The following KAZN variants were observed in gnomAD, a reference collection of about 807,000 sequenced individuals.
The protein encoded by KAZN is kazrin, periplakin interacting protein.
A neutral mutation model predicts 87.4 loss-of-function variants in KAZN; 40 were observed. The observed-to-expected ratio is 0.46, with a 90% CI of 0.36 to 0.60. KAZN has a LOEUF of 0.60. KAZN is among the 20% of genes least tolerant of loss of function. KAZN has a pLI of 0.00. For synonymous variants in KAZN, 466 were observed against 458.3 expected, an observed-to-expected ratio of 1.02 and a Z score of -0.22; for missense variants, 898 against 1,073.9, an observed-to-expected ratio of 0.84 and a Z score of 2.29.
chr1:14,248,022 C>T (rs1649672998), intron 2 of KAZN, among the ~76,000 whole-genome samples: 1 of 152,168 alleles, frequency 6.6e-6, no homozygotes, highest in East Asian at 1.9e-4. Context: ...TAAAACGCCA[C>T]TCTCAATCTA....
At chr1:14,385,382 C>T (rs1329246111) in intron 2 of KAZN, among the ~76,000 whole-genome samples, 5 of 152,090 alleles carry the variant, frequency 3.3e-5, no homozygotes, top group Non-Finnish European at 7.4e-5. Context: ...TCTTGCTTTT[C>T]TAGTTCTTTT....
intron 2 of KAZN, among the ~76,000 whole-genome samples, chr1:14,338,327 C>G (rs1267936837): frequency 1.4e-5 from 2 of 146,350 alleles, no homozygotes; most frequent in Non-Finnish European, 3.0e-5. Flanking sequence ...AAAAAAAATA[C>G]AAAAAAAATT....
chr1:14,530,031 C>T (rs1672124073), intron 2 of KAZN, among the ~76,000 whole-genome samples: 1 of 152,100 alleles, frequency 6.6e-6, no homozygotes, highest in African/African-American at 2.4e-5. Context: ...AGCACAGTAT[C>T]CAAAGTACCC....
intron 1 of KAZN, among the ~76,000 whole-genome samples, chr1:14,905,838 G>A (rs981333043): frequency 1.2e-4 from 15 of 128,424 alleles, no homozygotes; most frequent in Admixed American, 2.4e-4. Flanking sequence ...GTGAGACTCC[G>A]TCTCAAAAAT....
At chr1:13,969,674 T>G in intron 1 of KAZN, among the ~76,000 whole-genome samples, 1 of 152,100 alleles carries the variant, frequency 6.6e-6, no homozygotes, top group East Asian at 1.9e-4. Flanking sequence ...TCCCCAACTC[T>G]TTGTGGCACT....
chr1:14,911,563 G>A (rs572559028), intron 1 of KAZN, among the ~76,000 whole-genome samples: 23 of 152,288 alleles, frequency 1.5e-4, no homozygotes, highest in African/African-American at 4.8e-4. Context: ...ATTAGGCGCC[G>A]GAAGCTGCTT....
chr1:14,352,662 G>GA (rs969048100), intron 2 of KAZN, among the ~76,000 whole-genome samples: 6 of 151,942 alleles, frequency 3.9e-5, no homozygotes, highest in Non-Finnish European at 5.9e-5. Context: ...TCACGTGAGA[G>GA]AAAAAAAGGC....
At chr1:14,780,455 G>T (rs1645297823) in intron 1 of KAZN, among the ~76,000 whole-genome samples, 1 of 152,182 alleles carries the variant, frequency 6.6e-6, no homozygotes, top group Non-Finnish European at 1.5e-5. Flanking sequence ...GTGAATGGAT[G>T]AGCCATGTCC....
At chr1:14,716,833 T>C (rs1163273119) in intron 1 of KAZN, among the ~76,000 whole-genome samples, 1 of 152,144 alleles carries the variant, frequency 6.6e-6, no homozygotes, top group Non-Finnish European at 1.5e-5. Flanking sequence ...CCACTTGGTT[T>C]TGTTAAATCC....
intron 1 of KAZN, among the ~76,000 whole-genome samples, chr1:14,795,845 T>C (rs1181031299): frequency 1.3e-5 from 2 of 152,166 alleles, no homozygotes; most frequent in Admixed American, 6.5e-5. Context: ...GTTTCCCTCA[T>C]TTCCCCATCA....
At chr1:14,096,774 T>C (rs955983307) in intron 1 of KAZN, among the ~76,000 whole-genome samples, 1 of 152,166 alleles carries the variant, frequency 6.6e-6, no homozygotes, top group South Asian at 2.1e-4. Flanking sequence ...CCTGGGGAGT[T>C]TGTTCAAAAC....
chr1:13,956,824 G>T (rs1241011185), intron 1 of KAZN, among the ~76,000 whole-genome samples: 1 of 152,166 alleles, frequency 6.6e-6, no homozygotes, highest in Non-Finnish European at 1.5e-5. Flanking sequence ...CCTGTGTTTT[G>T]TTTTTTAGAT....
chr1:15,055,912 C>A (rs1638223195), intron 4 of KAZN, among the ~76,000 whole-genome samples, 179 bp from the exon 5 acceptor site: 1 of 152,252 alleles, frequency 6.6e-6, no homozygotes, highest in African/African-American at 2.4e-5. Flanking sequence ...ACAACAGTTC[C>A]TCCCTCACAC....
At chr1:13,979,142 A>T (rs1406303488) in intron 1 of KAZN, among the ~76,000 whole-genome samples, 1 of 152,130 alleles carries the variant, frequency 6.6e-6, no homozygotes, top group African/African-American at 2.4e-5. Flanking sequence ...TGACTGAAAA[A>T]ATTTTTATGC....
At chr1:14,537,797 A>T (rs1432682278) in intron 2 of KAZN, among the ~76,000 whole-genome samples, 1 of 152,210 alleles carries the variant, frequency 6.6e-6, no homozygotes, top group East Asian at 1.9e-4. Context: ...TGATAGCACA[A>T]GGCTTAACTT....
chr1:15,087,742 G>A (rs1195864454), intron 8 of KAZN, among the ~76,000 whole-genome samples: 2 of 152,172 alleles, frequency 1.3e-5, no homozygotes, highest in East Asian at 3.9e-4. Flanking sequence ...AGGCACATGT[G>A]GCTTGTAGCT....
chr1:13,993,754 G>C (rs1261251515), intron 1 of KAZN, among the ~76,000 whole-genome samples: 2 of 152,180 alleles, frequency 1.3e-5, no homozygotes, highest in Non-Finnish European at 2.9e-5. Context: ...CAATTAGATG[G>C]GGTAAAGTGA....
chr1:14,899,476 A>G (rs1459432055), intron 1 of KAZN, among the ~76,000 whole-genome samples: 4 of 152,206 alleles, frequency 2.6e-5, no homozygotes, highest in African/African-American at 9.7e-5. Flanking sequence ...CAGATGCGAA[A>G]TTTAGGAGGC....
At chr1:14,976,749 G>A (rs1459161956) in intron 2 of KAZN, among the ~76,000 whole-genome samples, 1 of 152,142 alleles carries the variant, frequency 6.6e-6, no homozygotes. Context: ...ACACACGGCA[G>A]GGCGCTCAAA....
Sources: allele counts gnomAD v4.1 joint callset (sites outside exome capture counted in the v4.1 genomes callset), GRCh38; gene constraint gnomAD v4.1.1; transcripts MANE v1.5; gene names NCBI Gene and HGNC (gene_info 2026-07-23, HGNC 2026-07-21).